Variants in CSMD3 observed in about 807,000 individuals in gnomAD.
The protein encoded by CSMD3 is CUB and Sushi multiple domains 3, also known as CUB and sushi domain-containing protein 3.
CSMD3 carries 177 observed loss-of-function variants against 435.2 expected under a neutral mutation model. The ratio of observed to expected loss-of-function variants is 0.41; its 90% CI spans 0.36 to 0.46. CSMD3 has a LOEUF of 0.46. Among genes scored for constraint, CSMD3 ranks in the 20% least tolerant of loss-of-function variants. CSMD3 has a pLI of 0.34. For missense variants in CSMD3, 4,265 were observed against 4,504.6 expected, an observed-to-expected ratio of 0.95 and a Z score of 1.52; for synonymous variants, 1,656 against 1,520.5, an observed-to-expected ratio of 1.09 and a Z score of -2.07.
At chr8:112,312,904 G>T (rs1822120103) in intron 49 of CSMD3, among the ~76,000 whole-genome samples, 1 of 152,096 alleles carries the variant, frequency 6.6e-6, no homozygotes, top group Admixed American at 6.6e-5. Flanking sequence ...ATTTATAAAA[G>T]GAATTTTCGG....
chr8:112,532,858 G>A (rs1419799728), intron 27 of CSMD3, among the ~76,000 whole-genome samples: 1 of 152,030 alleles, frequency 6.6e-6, no homozygotes, highest in Non-Finnish European at 1.5e-5. Flanking sequence ...AAGAAGAAAA[G>A]ACACATCTAT....
intron 13 of CSMD3, among the ~76,000 whole-genome samples, chr8:112,713,719 G>A (rs1364128634): frequency 6.6e-6 from 1 of 152,160 alleles, no homozygotes; most frequent in African/African-American, 2.4e-5. Flanking sequence ...ACTATCAAGA[G>A]ATCTCTCAGC....
intron 35 of CSMD3, among the ~76,000 whole-genome samples, chr8:112,406,051 A>G (rs146425267): frequency 6.6e-6 from 1 of 152,184 alleles, no homozygotes; most frequent in Non-Finnish European, 1.5e-5. Context: ...TCGCAACACA[A>G]TGAATAAAAA....
At chr8:112,783,128 A>G (rs2078435905) in intron 13 of CSMD3, among the ~76,000 whole-genome samples, 1 of 152,072 alleles carries the variant, frequency 6.6e-6, no homozygotes, top group Non-Finnish European at 1.5e-5. Flanking sequence ...TAATAACTAC[A>G]ACAAATTCCA....
chr8:112,992,696 C>T (rs1403926521), intron 6 of CSMD3, among the ~76,000 whole-genome samples: 3 of 151,806 alleles, frequency 2.0e-5, no homozygotes, highest in Non-Finnish European at 2.9e-5. Context: ...GTTTTATTTA[C>T]TTAAATTTAT....
chr8:113,188,366 C>T (rs1389199373), intron 3 of CSMD3, among the ~76,000 whole-genome samples: 1 of 151,822 alleles, frequency 6.6e-6, no homozygotes, highest in African/African-American at 2.4e-5. Context: ...TGTTTTAATT[C>T]AAAGAAAAAT....
intron 38 of CSMD3, among the ~76,000 whole-genome samples, chr8:112,356,831 C>A (rs1015745915): frequency 1.3e-5 from 2 of 152,066 alleles, no homozygotes; most frequent in Non-Finnish European, 2.9e-5. Flanking sequence ...TGCCTTCCAC[C>A]ATGATTATGA....
chr8:113,215,449 G>A (rs2092892502), intron 3 of CSMD3, among the ~76,000 whole-genome samples: 1 of 151,898 alleles, frequency 6.6e-6, no homozygotes, highest in Non-Finnish European at 1.5e-5. Context: ...TGATGTCAGT[G>A]AAATTGCTAA....
intron 5 of CSMD3, among the ~76,000 whole-genome samples, chr8:113,068,505 TTCTTTTGTGGTAAACACA>T (rs1476387216): frequency 6.6e-6 from 1 of 152,144 alleles, no homozygotes; most frequent in Non-Finnish European, 1.5e-5. Flanking sequence ...TTCCTATCTA[TTCTTTTGTGGTAAACACA>T]CCTAGCCCTT....
At chr8:112,928,170 G>T (rs1041958905) in intron 9 of CSMD3, among the ~76,000 whole-genome samples, 1 of 151,976 alleles carries the variant, frequency 6.6e-6, no homozygotes, top group African/African-American at 2.4e-5. Context: ...AATTCCAAAA[G>T]AAGCAATATT....
chr8:113,372,847 C>T lies in CSMD3; in HGVS notation c.179-58054G>A, dbSNP rs960965226. ...TACTCGGGAGGCTGAGGCAGGAGAACGGCGTGAACCCGGGAAGCGGAGCTT... is the reference window on the plus strand; with the variant it reads ...TACTCGGGAGGCTGAGGCAGGAGAATGGCGTGAACCCGGGAAGCGGAGCTT... On this transcript the variant is annotated intron_variant, in intron 1 of 70. Coordinates refer to ENST00000297405, the MANE Select transcript of CSMD3 (RefSeq NM_198123.2). Among the ~76,000 whole-genome samples, 75 of 150,618 alleles carry T rather than the reference C, an allele frequency of 5.0e-4. 1 individual carries two copies. The highest frequency in any genetic ancestry group is 1.8e-3 in the African/African-American group (72 of 41,140).
intron 4 of CSMD3, among the ~76,000 whole-genome samples, chr8:113,134,120 A>G (rs867098305): frequency 4.6e-5 from 7 of 152,158 alleles, no homozygotes; most frequent in Non-Finnish European, 8.8e-5. Flanking sequence ...TACAGATTGC[A>G]AACTGTAGTG....
chr8:113,123,526 T>G (rs1245955285), intron 4 of CSMD3, among the ~76,000 whole-genome samples: 1 of 152,066 alleles, frequency 6.6e-6, no homozygotes, highest in Non-Finnish European at 1.5e-5. Context: ...TGCATTCTTA[T>G]TAGTAGAAAA....
intron 2 of CSMD3, among the ~76,000 whole-genome samples, chr8:113,296,168 G>A (rs1266496310): frequency 6.6e-6 from 1 of 151,594 alleles, no homozygotes; most frequent in African/African-American, 2.4e-5. Flanking sequence ...GAGAGGGGAG[G>A]GATAACATTA....
rs755641490 is a variant in CSMD3 at position 112,314,449 on chromosome 8, T to C, written c.7529A>G (p.Asp2510Gly). 2 of 1,610,154 alleles carry C rather than the reference T, an allele frequency of 1.2e-6. No individual in the cohort carries two copies. The highest frequency in any genetic ancestry group is 1.1e-5 in the South Asian group (1 of 90,998). The change falls in exon 48 of 71, where the codon GAT becomes GGT. Residue 2510 changes from aspartate to glycine, a missense_variant. Physicochemically the swap from Asp to Gly is moderately conservative, Grantham distance 94. Around this residue, in one of 3 missense-constraint regions of CSMD3, gnomAD observed 3,255 missense variants for 3,380.2 expected, o/e 0.96. Coordinates refer to ENST00000297405, the MANE Select transcript of CSMD3 (RefSeq NM_198123.2). ...GTTACCATCATACACCTGAAGAACATCAAATTCCTTTTCTGTCTGGAAGAA... is the reference window on the plus strand; with the variant it reads ...GTTACCATCATACACCTGAAGAACACCAAATTCCTTTTCTGTCTGGAAGAA... ...VEFFQTEKEF[D>G]VLQVYDGPNI...
chr8:112,615,545 A>G (rs1254973128), intron 22 of CSMD3, among the ~76,000 whole-genome samples: 1 of 152,088 alleles, frequency 6.6e-6, no homozygotes. Context: ...GTTCAAATAA[A>G]TGATTTTTAC....
chr8:112,609,657 T>C (rs189978426), intron 22 of CSMD3, among the ~76,000 whole-genome samples: 358 of 152,268 alleles, frequency 2.4e-3, no homozygotes, highest in African/African-American at 8.2e-3. Context: ...GCAATATCAC[T>C]TCAGGGTATA....
chr8:112,602,290 T>A (rs1832421491), intron 22 of CSMD3, among the ~76,000 whole-genome samples: 1 of 152,026 alleles, frequency 6.6e-6, no homozygotes, highest in Non-Finnish European at 1.5e-5. Context: ...TCTCTATGCA[T>A]TTGAAAATTT....
chr8:113,063,855 A>T (rs2088724722), intron 5 of CSMD3, among the ~76,000 whole-genome samples: 1 of 151,872 alleles, frequency 6.6e-6, no homozygotes, highest in Non-Finnish European at 1.5e-5. Context: ...CAATGAATTC[A>T]AATATTTTTA....
Sources: gnomAD v4.1 joint callset for allele counts (sites outside exome capture counted in the v4.1 genomes callset) on GRCh38, gnomAD v4.1.1 for gene constraint, gnomAD v4.1.1 regional missense constraint, MANE v1.5 for transcripts, NCBI Gene and HGNC (gene_info 2026-07-23, HGNC 2026-07-21) for gene names.